The following UMAD1 variants were observed in gnomAD, a reference collection of about 807,000 sequenced individuals.
The protein encoded by UMAD1 is UBAP1-MVB12-associated (UMA) domain containing 1.
UMAD1 carries 8 observed loss-of-function variants against 6.1 expected under a neutral mutation model. The observed-to-expected ratio is 1.30, with a 90% CI of 0.76 to 2.35. The LOEUF (loss-of-function observed/expected upper bound fraction) is 2.35, where lower values mean the gene tolerates loss of function less well. UMAD1 is among the 30% of genes most tolerant of loss of function. The probability of loss-of-function intolerance (pLI) is 0.00; values close to 1 mark genes in which losing one functional copy is unlikely to be tolerated. For missense variants in UMAD1, 130 were observed against 78.4 expected (o/e 1.66, Z -2.49); for synonymous variants, 56 against 31.4 (o/e 1.78, Z -2.61).
At chr7:7,790,434 A>G (rs567175803) in intron 2 of UMAD1, among the ~76,000 whole-genome samples, 1 of 152,298 alleles carries the variant, frequency 6.6e-6, no homozygotes, top group Non-Finnish European at 1.5e-5. Flanking sequence ...TAGCCCAACT[A>G]AAAGTCTCAT....
intron 3 of UMAD1, among the ~76,000 whole-genome samples, chr7:7,870,447 GTTAA>G (rs1255713526): frequency 3.9e-5 from 6 of 152,272 alleles, no homozygotes; most frequent in Non-Finnish European, 7.4e-5. Context: ...TAACCAAAAG[GTTAA>G]TTGAGTCTTT....
At chr7:7,776,618 G>A (rs893323903) in intron 2 of UMAD1, among the ~76,000 whole-genome samples, 3 of 152,144 alleles carry the variant, frequency 2.0e-5, no homozygotes, top group Admixed American at 2.0e-4. Context: ...AACAAAGACA[G>A]CATGCCAAAA....
At chr7:7,648,389 A>G (rs1049100679) in intron 1 of UMAD1, among the ~76,000 whole-genome samples, 3 of 151,924 alleles carry the variant, frequency 2.0e-5, no homozygotes, top group African/African-American at 7.3e-5. Flanking sequence ...CTTTTTTTGT[A>G]TTCTTATGTT....
At chr7:7,741,584 T>A (rs915359870) in intron 2 of UMAD1, among the ~76,000 whole-genome samples, 69 of 72,158 alleles carry the variant, frequency 9.6e-4, no homozygotes, top group Middle Eastern at 7.6e-3. Context: ...CTCAAAATAA[T>A]AATAATAATA....
intron 1 of UMAD1, among the ~76,000 whole-genome samples, chr7:7,646,787 C>G (rs149594058): frequency 6.6e-6 from 1 of 152,206 alleles, no homozygotes; most frequent in Non-Finnish European, 1.5e-5. Flanking sequence ...CACTCAGATG[C>G]TTCCTCTCTT....
rs191327812 is a variant in UMAD1, at chr7:7,782,697, C to T, written c.83-18973C>T. Among the ~76,000 whole-genome samples the T allele has an allele frequency of 1.9e-3, 280 of 150,998 alleles. 1 individual carries two copies. Among genetic ancestry groups the T allele is most frequent in the East Asian group, 3.9e-4 (2 of 5,146 alleles). On this transcript the variant is annotated intron_variant, in intron 2 of 3. Coordinates refer to ENST00000682710, the MANE Select transcript of UMAD1 (RefSeq NM_001302348.2). ...TTATTGACCGTCTGTGCCTACAAGC[C>T]GAAACAATAGCAGAATGTCTTGTGT...
chr7:7,648,588 C>A (rs1400183705), intron 1 of UMAD1, among the ~76,000 whole-genome samples: 2 of 152,192 alleles, frequency 1.3e-5, no homozygotes, highest in African/African-American at 4.8e-5. Flanking sequence ...AATTGGCTCA[C>A]TCCTGTAATC....
intron 2 of UMAD1, among the ~76,000 whole-genome samples, chr7:7,678,661 G>T (rs192567954): frequency 7.7e-5 from 8 of 104,422 alleles, no homozygotes; most frequent in Admixed American, 3.0e-4. Context: ...TATATATTTA[G>T]TTTATAAATA....
chr7:7,766,741 ATATG>A (rs1781991651), intron 2 of UMAD1, among the ~76,000 whole-genome samples: 1 of 152,206 alleles, frequency 6.6e-6, no homozygotes, highest in African/African-American at 2.4e-5. Context: ...ATTTAAATAT[ATATG>A]TAATTTCCTA....
At chr7:7,756,792 C>T (rs973050811) in intron 2 of UMAD1, among the ~76,000 whole-genome samples, 63 of 152,222 alleles carry the variant, frequency 4.1e-4, no homozygotes, top group African/African-American at 1.4e-3. Context: ...GACACTTATA[C>T]TGTTTTACCA....
At chr7:7,832,840 T>C (rs377056037) in intron 3 of UMAD1, among the ~76,000 whole-genome samples, 1 of 152,080 alleles carries the variant, frequency 6.6e-6, no homozygotes, top group East Asian at 1.9e-4. Flanking sequence ...GTGGAGGTGG[T>C]GATCACATTG....
rs1000443909 is a variant in UMAD1 at position 7,878,119 on chromosome 7, T to G, written c.*581T>G. On this transcript the variant is annotated 3_prime_UTR_variant, in exon 4 of 4. Coordinates refer to ENST00000682710, the MANE Select transcript of UMAD1 (RefSeq NM_001302348.2). ...CTAGACCTGCTCTGCGTGCTCTTTC[T>G]GGAGTGGCCCATTTCGGTTTTCTGA... The G allele has an allele frequency of 6.5e-6, 1 of 152,706 alleles. No individual in the cohort carries two copies. The highest frequency in any genetic ancestry group is 2.1e-4 in the South Asian group (1 of 4,842). The allele number at this position is 152,706 out of a possible 1,614,324, so 9.5% of individuals were successfully genotyped here.
At chr7:7,803,890 G>C (rs542484518) in intron 3 of UMAD1, among the ~76,000 whole-genome samples, 2 of 152,138 alleles carry the variant, frequency 1.3e-5, no homozygotes, top group Non-Finnish European at 2.9e-5. Flanking sequence ...TCAGACCATA[G>C]CACTTAGTTA....
intron 1 of UMAD1, chr7:7,641,509 A>G (rs1336855212): frequency 6.6e-6 from 1 of 151,586 alleles, no homozygotes; most frequent in Non-Finnish European, 1.5e-5. Flanking sequence ...AACAGTTTAA[A>G]CCCCCTCAGC....
chr7:7,785,336 T>C (rs922552134), intron 2 of UMAD1, among the ~76,000 whole-genome samples: 1 of 152,188 alleles, frequency 6.6e-6, no homozygotes, highest in Non-Finnish European at 1.5e-5. Flanking sequence ...GGGAAGAATG[T>C]TCAAGACACA....
intron 1 of UMAD1, among the ~76,000 whole-genome samples, chr7:7,670,147 T>C (rs1323114054): frequency 2.0e-5 from 3 of 152,362 alleles, no homozygotes; most frequent in East Asian, 3.9e-4. Context: ...TGTTTTCTTA[T>C]ACTACACTTG....
At chr7:7,646,439 C>G (rs893002942) in intron 1 of UMAD1, among the ~76,000 whole-genome samples, 1 of 149,236 alleles carries the variant, frequency 6.7e-6, no homozygotes, top group African/African-American at 2.5e-5. Context: ...ATAAGTCTCA[C>G]GAGATCTGAT....
intron 3 of UMAD1, among the ~76,000 whole-genome samples, chr7:7,839,353 G>C (rs1427579848): frequency 2.6e-5 from 4 of 151,986 alleles, no homozygotes; most frequent in African/African-American, 9.7e-5. Context: ...TGGGACCACA[G>C]ACACATGCCA....
chr7:7,822,812 T>C (rs1057420921), intron 3 of UMAD1, among the ~76,000 whole-genome samples: 1 of 152,120 alleles, frequency 6.6e-6, no homozygotes, highest in African/African-American at 2.4e-5. Flanking sequence ...GTAAGACTTC[T>C]ATGAAGACGA....
Sources: gnomAD v4.1 joint callset for allele counts (sites outside exome capture counted in the v4.1 genomes callset) on GRCh38, gnomAD v4.1.1 for gene constraint, MANE v1.5 for transcripts, NCBI Gene and HGNC (gene_info 2026-07-23, HGNC 2026-07-21) for gene names.